Variants in SLIT3 observed in about 807,000 individuals in gnomAD.
SLIT3 encodes the protein slit guidance ligand 3, also known as slit homolog 3 protein.
Under a neutral mutation model 184.0 loss-of-function variants are expected in SLIT3, and 68 were observed. The observed-to-expected ratio is 0.37, with a 90% confidence interval of 0.30 to 0.45. The LOEUF is 0.45. Among genes scored for constraint, SLIT3 ranks in the 20% least tolerant of loss-of-function variants. The pLI, the probability that SLIT3 is intolerant of heterozygous loss-of-function variation, is 1.00. For synonymous variants in SLIT3, 831 were observed against 828.6 expected, an observed-to-expected ratio of 1.00 and a Z score of -0.05; for missense variants, 1,707 against 2,026.0, an observed-to-expected ratio of 0.84 and a Z score of 3.02.
chr5:168,699,817 G>T, intron 27 of SLIT3, among the ~76,000 whole-genome samples: 1 of 152,126 alleles, frequency 6.6e-6, no homozygotes, highest in Admixed American at 6.5e-5. Context: ...TTGGTACCTG[G>T]CATAGTGAGC....
intron 11 of SLIT3, among the ~76,000 whole-genome samples, chr5:168,789,324 A>G (rs114920020): frequency 0.061 from 9,285 of 152,100 alleles, 926 homozygotes; most frequent in African/African-American, 0.21. Flanking sequence ...TTAGAAGCCA[A>G]TAACTGGGAA....
At chr5:169,161,637 G>C (rs1278605695) in intron 4 of SLIT3, among the ~76,000 whole-genome samples, 1 of 150,274 alleles carries the variant, frequency 6.7e-6, no homozygotes, top group Non-Finnish European at 1.5e-5. Context: ...TCAAAGCTGT[G>C]GTCATAAAAC....
At chr5:168,761,657 G>C (rs1016574072) in intron 15 of SLIT3, among the ~76,000 whole-genome samples, 1 of 152,088 alleles carries the variant, frequency 6.6e-6, no homozygotes, top group African/African-American at 2.4e-5. Context: ...AGAGTCAGGT[G>C]TCAGCCCCAT....
intron 4 of SLIT3, among the ~76,000 whole-genome samples, chr5:169,175,390 T>C (rs1259972652): frequency 6.6e-6 from 1 of 152,172 alleles, no homozygotes; most frequent in Non-Finnish European, 1.5e-5. Context: ...GAAAGGTTAA[T>C]GGGTTAGGCA....
chr5:168,707,872 C>T (rs1762422278), intron 26 of SLIT3, 104 bp downstream of exon 26: 4 of 1,430,374 alleles, frequency 2.8e-6, no homozygotes, highest in African/African-American at 1.4e-5. Context: ...CCAGGCTGTC[C>T]CTTGGAGAAG....
At chr5:169,188,198 A>C (rs1581033970) in intron 4 of SLIT3, among the ~76,000 whole-genome samples, 1 of 152,194 alleles carries the variant, frequency 6.6e-6, no homozygotes, top group Admixed American at 6.5e-5. Flanking sequence ...AGCTCAGGCA[A>C]TCCGACTGCC....
At chr5:169,042,265 GAA>G (rs1757471432) in intron 4 of SLIT3, among the ~76,000 whole-genome samples, 1 of 152,130 alleles carries the variant, frequency 6.6e-6, no homozygotes, top group Non-Finnish European at 1.5e-5. Context: ...TGAGAAACCA[GAA>G]GAGGCTGGAA....
At chr5:168,683,161 T>C (rs532403652) in intron 32 of SLIT3, among the ~76,000 whole-genome samples, 15 of 150,310 alleles carry the variant, frequency 1.0e-4, no homozygotes, top group African/African-American at 3.7e-4. Context: ...AGGTCAGGAG[T>C]TCGAGAGCAG....
chr5:168,702,370 G>A (rs1012197434), intron 26 of SLIT3, among the ~76,000 whole-genome samples: 18 of 152,090 alleles, frequency 1.2e-4, no homozygotes, highest in African/African-American at 2.2e-4. Flanking sequence ...GGCCAAGATC[G>A]CACAGCAGTA....
At chr5:169,001,147 A>G (rs1276996282) in intron 4 of SLIT3, among the ~76,000 whole-genome samples, 1 of 152,234 alleles carries the variant, frequency 6.6e-6, no homozygotes, top group Non-Finnish European at 1.5e-5. Flanking sequence ...CTATTTTTAT[A>G]AATGAGCATC....
At chr5:169,072,866 C>T (rs1004957656) in intron 4 of SLIT3, among the ~76,000 whole-genome samples, 2 of 152,190 alleles carry the variant, frequency 1.3e-5, no homozygotes, top group Admixed American at 1.3e-4. Context: ...TCTTGCAAAG[C>T]AGCATTTGAC....
At chr5:169,030,595 T>A (rs1756993948) in intron 4 of SLIT3, 1 of 152,244 alleles carries the variant, frequency 6.6e-6, no homozygotes, top group Admixed American at 6.5e-5. Context: ...CTTTGGAATG[T>A]TTTTGTATCT....
At chr5:168,858,339 A>C (rs1271527767) in intron 5 of SLIT3, among the ~76,000 whole-genome samples, 3 of 152,010 alleles carry the variant, frequency 2.0e-5, no homozygotes, top group African/African-American at 7.3e-5. Context: ...GGGCCACCCC[A>C]CTCCTTTGTC....
chr5:168,667,100 C>G (rs186184284), intron 35 of SLIT3, among the ~76,000 whole-genome samples: 1 of 152,272 alleles, frequency 6.6e-6, no homozygotes, highest in Admixed American at 6.5e-5. Flanking sequence ...ACCTGAAAAT[C>G]TGGATTTCTG....
chr5:169,050,597 AT>A (rs1480122990), intron 4 of SLIT3, among the ~76,000 whole-genome samples: 2 of 152,146 alleles, frequency 1.3e-5, no homozygotes, highest in African/African-American at 4.8e-5. Flanking sequence ...GTCTGCCCTT[AT>A]GAAATTTATA....
In SLIT3 at chr5:168,671,317, G is replaced by T. The variant is rs1028061417; in HGVS notation, c.4008C>A (p.Thr1336=). ...LGVSPGCKSC[T]VCKHGLCRSV... Reference sequence around the variant, plus strand: ...AGCGGCACAGGCCGTGCTTGCACACGGTGCAGGACTTGCAGCCTGGTGACA... The same window carrying T: ...AGCGGCACAGGCCGTGCTTGCACACTGTGCAGGACTTGCAGCCTGGTGACA... The change falls in exon 34 of 36, where the codon ACC becomes ACA. Residue 1336 remains threonine, a synonymous_variant. Coordinates refer to ENST00000519560, the MANE Select transcript of SLIT3 (RefSeq NM_003062.4). 6.2e-7 allele frequency: 1 copy of T among 1,613,948 alleles called. No homozygotes were observed.
Position 168,772,922 on chromosome 5 carries a change from C to A in SLIT3, c.1318G>T (p.Val440Leu), listed in dbSNP as rs1262290374. The part of the protein sequence containing the change: ...QTLHLAQNPF[V>L]CDCHLKWLAD... ...AGCCACTTCAAGTGGCAGTCGCACA[C>A]AAATGGGTTTTGGGCTAAGTGGCTG... The change falls in exon 14 of 36, where the codon GTG becomes TTG. Residue 440 changes from valine to leucine, a missense_variant. Transcript: ENST00000519560. 6.2e-7 allele frequency: 1 copy of A among 1,610,878 alleles called. No homozygotes were observed. The highest frequency in any genetic ancestry group is 1.3e-5 in the African/African-American group (1 of 74,970).
chr5:169,260,171 T>C (rs2113611591), intron 1 of SLIT3, among the ~76,000 whole-genome samples: 1 of 151,830 alleles, frequency 6.6e-6, no homozygotes, highest in Admixed American at 6.6e-5. Context: ...AAAAATCCCA[T>C]AGTGTGATTT....
At chr5:168,834,858 G>A (rs558100797) in intron 6 of SLIT3, among the ~76,000 whole-genome samples, 122 of 152,226 alleles carry the variant, frequency 8.0e-4, no homozygotes, top group South Asian at 2.7e-3. Flanking sequence ...CAGACCTGGT[G>A]GGAGCTATGG....
Sources: allele counts gnomAD v4.1 joint callset (sites outside exome capture counted in the v4.1 genomes callset), GRCh38; gene constraint gnomAD v4.1.1; transcripts MANE v1.5; gene names NCBI Gene and HGNC (gene_info 2026-07-23, HGNC 2026-07-21).